Variants in TMEFF2 observed in about 807,000 individuals in gnomAD.
TMEFF2 encodes the protein tomoregulin-2.
A neutral mutation model predicts 53.8 loss-of-function variants in TMEFF2; 28 were observed. That is an observed-to-expected ratio of 0.52 (90% confidence interval 0.39 to 0.71). The LOEUF is 0.71. TMEFF2 is among the 30% of genes least tolerant of loss of function. The pLI is 0.00. For missense variants in TMEFF2, 353 were observed against 455.2 expected (o/e 0.78, Z 2.04); for synonymous variants, 162 against 166.3 (o/e 0.97, Z 0.20).
chr2:192,107,167 A>G (rs1689168832), intron 4 of TMEFF2, among the ~76,000 whole-genome samples: 1 of 151,816 alleles, frequency 6.6e-6, no homozygotes, highest in Non-Finnish European at 1.5e-5. Context: ...TGGAGTTATT[A>G]AAACTTTTTC....
intron 9 of TMEFF2, among the ~76,000 whole-genome samples, chr2:191,951,896 G>A (rs1011127171): frequency 3.3e-5 from 5 of 151,956 alleles, no homozygotes; most frequent in African/African-American, 1.2e-4. Context: ...TGGAAAATGA[G>A]TAAGTCTATG....
intron 5 of TMEFF2, among the ~76,000 whole-genome samples, chr2:192,004,097 G>A (rs780115753): frequency 9.2e-5 from 14 of 152,164 alleles, no homozygotes; most frequent in South Asian, 2.1e-4. Flanking sequence ...TTCAATAAAT[G>A]GTTGTTGAAT....
chr2:192,084,048 A>G (rs1275790558), intron 4 of TMEFF2, among the ~76,000 whole-genome samples: 1 of 152,158 alleles, frequency 6.6e-6, no homozygotes, highest in Non-Finnish European at 1.5e-5. Context: ...TACTCAAAAT[A>G]GCTCTATTGG....
At chr2:192,144,035 T>C (rs981392478) in intron 4 of TMEFF2, among the ~76,000 whole-genome samples, 1 of 152,132 alleles carries the variant, frequency 6.6e-6, no homozygotes, top group Non-Finnish European at 1.5e-5. Context: ...TGGGTTATTT[T>C]AAAACTGTGG....
At chr2:192,036,919 T>C (rs1687307416) in intron 5 of TMEFF2, 1 of 152,208 alleles carries the variant, frequency 6.6e-6, no homozygotes, top group South Asian at 2.1e-4. Context: ...CTCTGTTTTC[T>C]TTTTAAAACA....
intron 4 of TMEFF2, among the ~76,000 whole-genome samples, chr2:192,106,877 G>C (rs80044568): frequency 0.035 from 5,272 of 151,794 alleles, 303 homozygotes; most frequent in African/African-American, 0.12. Flanking sequence ...AGTGAACGGA[G>C]AGAAGTTTAC....
chr2:192,133,354 C>T (rs1215627153), intron 4 of TMEFF2, among the ~76,000 whole-genome samples: 2 of 152,220 alleles, frequency 1.3e-5, no homozygotes, highest in East Asian at 1.9e-4. Context: ...ATCACGCACC[C>T]CTTACCATCT....
rs377256418 is a variant in TMEFF2 at position 192,124,215 on chromosome 2, C to T, written c.439+55453G>A. Reference sequence around the variant, plus strand: ...ACTTTAAGATAAACATGCATGAATGCAATCATTACAAAAATGAATGTCTAG... The same window carrying T: ...ACTTTAAGATAAACATGCATGAATGTAATCATTACAAAAATGAATGTCTAG... On this transcript the variant is annotated intron_variant, in intron 4 of 9. Transcript: ENST00000272771. Among the ~76,000 whole-genome samples the T allele has an allele frequency of 4.5e-4, 68 of 152,312 alleles. 1 individual carries two copies. In the South Asian group the frequency reaches 0.013, roughly 29 times the overall value.
chr2:192,048,205 C>T (rs1174841632), intron 5 of TMEFF2, among the ~76,000 whole-genome samples: 1 of 151,694 alleles, frequency 6.6e-6, no homozygotes, highest in Non-Finnish European at 1.5e-5. Context: ...ATAATCAGAG[C>T]TTGGGACACA....
intron 7 of TMEFF2, among the ~76,000 whole-genome samples, chr2:191,975,494 A>C (rs1049085116): frequency 1.3e-5 from 2 of 151,446 alleles, no homozygotes; most frequent in African/African-American, 4.8e-5. Context: ...TCCAGTTCTC[A>C]AATGTTACTG....
At chr2:191,961,001 T>C (rs946718349) in intron 7 of TMEFF2, among the ~76,000 whole-genome samples, 6 of 152,238 alleles carry the variant, frequency 3.9e-5, no homozygotes, top group Non-Finnish European at 8.8e-5. Context: ...TGATTAATCA[T>C]GAATATTTAC....
chr2:192,008,598 A>T (rs767152803), intron 5 of TMEFF2, among the ~76,000 whole-genome samples: 2 of 152,204 alleles, frequency 1.3e-5, no homozygotes, highest in Non-Finnish European at 2.9e-5. Flanking sequence ...CTCCGACTGG[A>T]TGGGTCTTTA....
chr2:192,047,336 G>T lies in TMEFF2; in HGVS notation c.536+10343C>A, dbSNP rs191122567. Among the ~76,000 whole-genome samples the T allele has an allele frequency of 2.5e-3, 379 of 152,214 alleles. 1 individual carries two copies. Among genetic ancestry groups the T allele is most frequent in the African/African-American group, 8.8e-3 (367 of 41,524 alleles). On this transcript the variant is annotated intron_variant, in intron 5 of 9. Coordinates refer to ENST00000272771, the MANE Select transcript of TMEFF2 (RefSeq NM_016192.4). ...TCCAAACTGTTGTGCACTTCTCCCA[G>T]ATAAACATCTCCTAATATCTGCTTA...
At chr2:192,065,353 C>T (rs1440535592) in intron 4 of TMEFF2, among the ~76,000 whole-genome samples, 1 of 151,838 alleles carries the variant, frequency 6.6e-6, no homozygotes, top group East Asian at 1.9e-4. Flanking sequence ...TAAATAGAAG[C>T]ATTTACATAC....
chr2:192,047,425 TG>T (rs1429205275), intron 5 of TMEFF2, among the ~76,000 whole-genome samples: 1 of 152,198 alleles, frequency 6.6e-6, no homozygotes, highest in East Asian at 1.9e-4. Context: ...AATATAATTT[TG>T]ATTGTAGAAA....
chr2:192,058,228 A>T (rs1238629174), intron 4 of TMEFF2, among the ~76,000 whole-genome samples: 1 of 152,210 alleles, frequency 6.6e-6, no homozygotes, highest in Non-Finnish European at 1.5e-5. Context: ...AATTTAGATG[A>T]GCATCCCTGA....
chr2:192,147,667 C>G (rs1216314356), intron 4 of TMEFF2, among the ~76,000 whole-genome samples: 1 of 151,990 alleles, frequency 6.6e-6, no homozygotes, highest in African/African-American at 2.4e-5. Flanking sequence ...CCCAATTGTG[C>G]TACATCTACT....
chr2:191,962,694 T>G (rs1692308051), intron 7 of TMEFF2, among the ~76,000 whole-genome samples: 1 of 152,244 alleles, frequency 6.6e-6, no homozygotes, highest in Admixed American at 6.5e-5. Flanking sequence ...TATAATCCAA[T>G]AATTTGGCAT....
At chr2:192,064,463 C>A (rs1490582586) in intron 4 of TMEFF2, among the ~76,000 whole-genome samples, 1 of 151,768 alleles carries the variant, frequency 6.6e-6, no homozygotes, top group Non-Finnish European at 1.5e-5. Context: ...CTAATGAAGA[C>A]CCCTGCCAAT....
Sources: allele counts gnomAD v4.1 joint callset (sites outside exome capture counted in the v4.1 genomes callset), GRCh38; gene constraint gnomAD v4.1.1; transcripts MANE v1.5; gene names NCBI Gene and HGNC (gene_info 2026-07-23, HGNC 2026-07-21).